KANK1: variants seen among roughly 807,000 people sequenced by gnomAD.
The protein encoded by KANK1 is KN motif and ankyrin repeat domain-containing protein 1.
Under a neutral mutation model 106.2 loss-of-function variants are expected in KANK1, and 109 were observed. That is an observed-to-expected ratio of 1.03 (90% CI 0.88 to 1.20). The LOEUF is 1.20. KANK1 is among the 50% of genes most tolerant of loss of function. The probability of loss-of-function intolerance (pLI) is 0.00; values close to 1 mark genes in which losing one functional copy is unlikely to be tolerated. For missense variants in KANK1, 2,399 were observed against 1,710.7 expected, an observed-to-expected ratio of 1.40 and a Z score of -7.10; for synonymous variants, 873 against 652.2, an observed-to-expected ratio of 1.34 and a Z score of -5.16.
At chr9:536,308 C>G (rs906564099) in intron 1 of KANK1, among the ~76,000 whole-genome samples, 1 of 152,180 alleles carries the variant, frequency 6.6e-6, no homozygotes, top group African/African-American at 2.4e-5. Flanking sequence ...TGCCACTGCA[C>G]TCCAACTTGG....
intron 1 of KANK1, among the ~76,000 whole-genome samples, chr9:616,049 G>A (rs934655189): frequency 2.6e-5 from 4 of 152,100 alleles, no homozygotes; most frequent in South Asian, 2.1e-4. Flanking sequence ...TTCTGTATCC[G>A]TCCTACCAGT....
chr9:478,552 A>G (rs1481580304), intron 3 of KANK1: 1 of 152,248 alleles, frequency 6.6e-6, no homozygotes, highest in East Asian at 1.9e-4. Context: ...AAATCTAATC[A>G]CAGCATAAGG....
intron 1 of KANK1, among the ~76,000 whole-genome samples, chr9:524,134 A>C (rs12352268): frequency 5.9e-5 from 9 of 151,498 alleles, no homozygotes; most frequent in Admixed American, 2.0e-4. Context: ...GGGACTCCCA[A>C]CTTACCTGAT....
At chr9:498,694 C>G (rs891493070) in intron 3 of KANK1, among the ~76,000 whole-genome samples, 21 of 152,100 alleles carry the variant, frequency 1.4e-4, no homozygotes, top group African/African-American at 4.1e-4. Flanking sequence ...CATAATTAGT[C>G]TTAGAGAAAA....
chr9:689,884 A>T (rs1006004156), intron 2 of KANK1, among the ~76,000 whole-genome samples: 1 of 152,084 alleles, frequency 6.6e-6, no homozygotes, highest in African/African-American at 2.4e-5. Flanking sequence ...ACTCATAGGT[A>T]GAGTTTTTGC....
chr9:567,943 C>T (rs1013511969), intron 1 of KANK1, among the ~76,000 whole-genome samples: 4 of 151,638 alleles, frequency 2.6e-5, no homozygotes, highest in Admixed American at 2.6e-4. Context: ...ATGGACAAAA[C>T]TTACAGTCTT....
At chr9:667,699 T>G (rs1013372139) in intron 1 of KANK1, among the ~76,000 whole-genome samples, 4 of 151,826 alleles carry the variant, frequency 2.6e-5, no homozygotes, top group African/African-American at 9.7e-5. Context: ...AGGAGCATGT[T>G]GTTTAATTTC....
chr9:683,513 AG>A (rs1817970939), intron 2 of KANK1, among the ~76,000 whole-genome samples: 1 of 152,230 alleles, frequency 6.6e-6, no homozygotes, highest in African/African-American at 2.4e-5. Context: ...TGACTAAGCC[AG>A]AAGTTGGACA....
chr9:741,587 A>G (rs1198676419), intron 9 of KANK1, among the ~76,000 whole-genome samples: 1 of 149,870 alleles, frequency 6.7e-6, no homozygotes, highest in East Asian at 2.0e-4. Context: ...TCCCGGGTTC[A>G]CACCATTCTC....
chr9:646,610 T>C (rs1839723982), intron 1 of KANK1, among the ~76,000 whole-genome samples: 1 of 150,868 alleles, frequency 6.6e-6, no homozygotes, highest in Admixed American at 6.6e-5. Context: ...ATCATATTAT[T>C]GTATTGTGCT....
At chr9:615,880 T>A (rs1047272916) in intron 1 of KANK1, among the ~76,000 whole-genome samples, 2 of 152,226 alleles carry the variant, frequency 1.3e-5, no homozygotes, top group Non-Finnish European at 2.9e-5. Flanking sequence ...GGAAAAATGC[T>A]GGCCTACTTC....
At chr9:520,152 A>G (rs1288468783) in intron 1 of KANK1, among the ~76,000 whole-genome samples, 2 of 151,632 alleles carry the variant, frequency 1.3e-5, no homozygotes, top group African/African-American at 4.9e-5. Context: ...AGTCTGGGCA[A>G]CATGGCAAAA....
rs953271814 is a variant in KANK1, at chr9:690,699, C to A, written c.37+13690C>A. 3.9e-5 allele frequency among the ~76,000 whole-genome samples: 6 copies of A among 152,326 alleles called. No individual in the cohort carries two copies. In the South Asian group the frequency reaches 1.2e-3, roughly 32 times the overall value. ...CTACTTAATTTAACTTTGTTCTTAT[C>A]TCTAGACTAATGGAGCAGGCTCTCT... On this transcript the variant is annotated intron_variant, in intron 2 of 11. Coordinates refer to ENST00000382297, the MANE Select transcript of KANK1 (RefSeq NM_015158.5).
chr9:504,499 G>A (rs1285492428), upstream of KANK1, among the ~76,000 whole-genome samples: 1 of 151,126 alleles, frequency 6.6e-6, no homozygotes, highest in African/African-American at 2.4e-5. Context: ...GGAGGGAGCA[G>A]CCGGGGCTTC....
chr9:610,553 C>T (rs1190994984), intron 1 of KANK1, among the ~76,000 whole-genome samples: 1 of 152,100 alleles, frequency 6.6e-6, no homozygotes, highest in Non-Finnish European at 1.5e-5. Flanking sequence ...CTGGTTTGAC[C>T]GAGTACCCTC....
chr9:611,135 G>C (rs1830452384), intron 1 of KANK1, among the ~76,000 whole-genome samples: 1 of 152,142 alleles, frequency 6.6e-6, no homozygotes, highest in Non-Finnish European at 1.5e-5. Flanking sequence ...CGGTTGGCTT[G>C]ACATGTGAGG....
chr9:676,345 A>T (rs370222247), intron 1 of KANK1, among the ~76,000 whole-genome samples: 1 of 152,316 alleles, frequency 6.6e-6, no homozygotes, highest in South Asian at 2.1e-4. Flanking sequence ...GTTTAAGAGG[A>T]GGAGGACTGA....
At chr9:555,676 T>C (rs542136029) in intron 1 of KANK1, among the ~76,000 whole-genome samples, 1 of 152,366 alleles carries the variant, frequency 6.6e-6, no homozygotes, top group South Asian at 2.1e-4. Context: ...GTTGGTTTAC[T>C]AAGCCTTAAG....
intron 1 of KANK1, among the ~76,000 whole-genome samples, chr9:570,345 C>T (rs1258961040): frequency 6.6e-6 from 1 of 152,150 alleles, no homozygotes; most frequent in Non-Finnish European, 1.5e-5. Flanking sequence ...GCATAGTTAA[C>T]AGTGTTGAGA....
Sources: allele counts gnomAD v4.1 joint callset (sites outside exome capture counted in the v4.1 genomes callset), GRCh38; gene constraint gnomAD v4.1.1; transcripts MANE v1.5; gene names NCBI Gene and HGNC (gene_info 2026-07-23, HGNC 2026-07-21).